BTBD7: variants seen among roughly 807,000 people sequenced by gnomAD.
BTBD7 encodes BTB domain containing 7.
BTBD7 carries 38 observed loss-of-function variants against 99.9 expected under a neutral mutation model. The observed-to-expected ratio is 0.38, with a 90% CI of 0.29 to 0.50. The LOEUF (loss-of-function observed/expected upper bound fraction) is 0.50. Among genes scored for constraint, BTBD7 ranks in the 20% least tolerant of loss-of-function variants. The probability of loss-of-function intolerance (pLI) is 0.93; values close to 1 mark genes in which losing one functional copy is unlikely to be tolerated. For missense variants in BTBD7, 1,170 were observed against 1,394.6 expected, an observed-to-expected ratio of 0.84 and a Z score of 2.57; for synonymous variants, 520 against 511.4, an observed-to-expected ratio of 1.02 and a Z score of -0.23.
chr14:93,319,913 CAAGA>C (rs1312966829), intron 1 of BTBD7, among the ~76,000 whole-genome samples: 1 of 151,746 alleles, frequency 6.6e-6, no homozygotes, highest in Non-Finnish European at 1.5e-5. Flanking sequence ...TAACAGAGAA[CAAGA>C]AAGAAAGGGG....
At position 93,246,279 on chromosome 14, in the gene BTBD7, T is replaced by C. The variant is rs747911738; in HGVS notation, c.2129A>G (p.His710Arg). 1.0e-5 allele frequency: 15 copies of C among 1,478,330 alleles called. No individual in the cohort carries two copies. The highest frequency in any genetic ancestry group is 1.3e-5 in the Non-Finnish European group (15 of 1,115,258). The allele number at this position is 1,478,330 out of a possible 1,614,324, so 91.6% of individuals were successfully genotyped here. The part of the protein sequence containing the change: ...DAAAELLQNP[H>R]KFFPDERFGD... ...AAAACGTTCATCAGGAAAGAATTTG[T>C]GAGGATTCTAAAAAAGATTAAAAAA... Residue 710 changes from histidine (H) to arginine (R), a missense_variant, in exon 10 of 11, where the codon CAC becomes CGC. Physicochemically the swap from His to Arg is conservative, Grantham distance 29. This residue lies in a region of BTBD7 where 495 missense variants were observed against 525.9 expected (regional missense o/e 0.94). Transcript: ENST00000334746.
chr14:93,313,679 TACACACAC>T (rs57711099), intron 1 of BTBD7, among the ~76,000 whole-genome samples: 22,969 of 145,414 alleles, frequency 0.16, 1,879 homozygotes, highest in East Asian at 0.28. Flanking sequence ...AAAATGAAAC[TACACACAC>T]ACACACACAC....
intron 1 of BTBD7, among the ~76,000 whole-genome samples, chr14:93,305,920 CTT>C (rs2053064405): frequency 6.6e-6 from 1 of 152,192 alleles, no homozygotes; most frequent in Non-Finnish European, 1.5e-5. Flanking sequence ...TCAGGTCTCT[CTT>C]CCTCTTATAA....
intron 3 of BTBD7, among the ~76,000 whole-genome samples, chr14:93,276,871 GACAC>G (rs140043990): frequency 6.8e-6 from 1 of 146,026 alleles, no homozygotes. Context: ...TTCAAGCCAC[GACAC>G]ACACACACAC....
chr14:93,275,144 T>C (rs1461227868), intron 3 of BTBD7, among the ~76,000 whole-genome samples: 3 of 152,186 alleles, frequency 2.0e-5, no homozygotes, highest in Admixed American at 2.0e-4. Context: ...AACCTACATA[T>C]AACCCACTAC....
chr14:93,314,383 T>A (rs1360383028), intron 1 of BTBD7, among the ~76,000 whole-genome samples: 2 of 152,186 alleles, frequency 1.3e-5, no homozygotes. Flanking sequence ...TAAAAACTAT[T>A]ATGCACTCAT....
At position 93,290,511 on chromosome 14, in the gene BTBD7, CTTTTTTTTTTTTTTT is replaced by C. The variant is rs10548430; in HGVS notation, c.1162+3332_1162+3346del. Among the ~76,000 whole-genome samples the C allele has an allele frequency of 3.9e-5, 3 of 76,546 alleles. No individual in the cohort carries two copies. In the South Asian group the frequency reaches 1.8e-3, roughly 47 times the overall value. The allele number at this position is 76,546 out of a possible 152,430, so 50.2% of individuals were successfully genotyped here. A position where few individuals can be genotyped will look rare whatever the true frequency, so the allele number is the denominator to read the frequency against. ...ACAGGCGTGACCCACTGCACTTGGC[CTTTTTTTTTTTTTTT>C]TTTTTTTTTAAGACAAAGTCTCACT... On this transcript the variant is annotated intron_variant, in intron 3 of 10. Coordinates refer to ENST00000334746, the MANE Select transcript of BTBD7 (RefSeq NM_001002860.4).
chr14:93,301,295 G>A (rs1363228002), intron 1 of BTBD7, among the ~76,000 whole-genome samples: 2 of 151,836 alleles, frequency 1.3e-5, no homozygotes, highest in African/African-American at 4.8e-5. Flanking sequence ...GGGTTCAAGC[G>A]ATTCTCCTGC....
At position 93,243,087 on chromosome 14, in the gene BTBD7, C is replaced by T. The variant is rs183380362; in HGVS notation, c.2585G>A (p.Arg862Gln). Reference protein sequence around the residue: ...AAAAASEKQVRTQPVLNDLMP... With the variant: ...AAAAASEKQVQTQPVLNDLMP... ...CAGATCATTCAGCACAGGTTGTGTT[C>T]GCTGCAGACAGAGACAAAAATGGTG... Residue 862 changes from arginine to glutamine, a missense_variant and splice_region_variant, in exon 11 of 11, where the codon CGA (arginine) becomes CAA (glutamine). By Grantham distance (43) the Arg-to-Gln change is conservative. Transcript: ENST00000334746. The T allele has an allele frequency of 2.5e-5, 40 of 1,607,124 alleles. No homozygotes were observed. The highest frequency in any genetic ancestry group is 1.3e-4 in the Admixed American group (8 of 59,832).
intron 3 of BTBD7, among the ~76,000 whole-genome samples, chr14:93,289,003 A>C (rs1443902052): frequency 6.6e-6 from 1 of 152,092 alleles, no homozygotes; most frequent in African/African-American, 2.4e-5. Context: ...TCTTTAGAAA[A>C]TTCAGAAAAT....
rs1262630022 is a variant in BTBD7 at position 93,242,509 on chromosome 14, T to C, written c.3163A>G (p.Arg1055Gly). 4 of 1,614,084 alleles carry C rather than the reference T, an allele frequency of 2.5e-6. No homozygotes were observed. Among genetic ancestry groups the C allele is most frequent in the African/African-American group, 1.3e-5 (1 of 74,944 alleles). The change falls in exon 11 of 11, where the codon AGG becomes GGG. Residue 1055 changes from arginine (R) to glycine (G), a missense_variant. By Grantham distance (125) the Arg-to-Gly change is moderately radical (BLOSUM62 -2). Around this residue, in one of 4 missense-constraint regions of BTBD7, gnomAD observed 495 missense variants for 525.9 expected, o/e 0.94. Transcript: ENST00000334746. ...ENASTGPAHV[R>G]GRTAVETDLT... Reference sequence around the variant, plus strand: ...TCAGTTTCTACTGCAGTTCGTCCCCTGACATGGGCTGGACCGGTACTAGCA... The same window carrying C: ...TCAGTTTCTACTGCAGTTCGTCCCCCGACATGGGCTGGACCGGTACTAGCA...
In BTBD7 at chr14:93,291,637, G is replaced by C. The variant is rs561355301; in HGVS notation, c.1162+2221C>G. Among the ~76,000 whole-genome samples the C allele has an allele frequency of 2.0e-5, 3 of 150,230 alleles. No homozygotes were observed. In the East Asian group the frequency reaches 5.8e-4, roughly 29 times the overall value. On this transcript the variant is annotated intron_variant, in intron 3 of 10. Transcript: ENST00000334746. ...TCAAACTCTATTTTGAGTAACAAAG[G>C]GAAAAAGAAGAGCATATATATCCAC...
chr14:93,242,948 A>AGGC lies in BTBD7; in HGVS notation c.2721_2723dup (p.Pro909dup). ...GTGGAATACACGACAGATGCTGGGG[A>AGGC]GGCCCTGGTCCTGCTTCAGAAACTG... On this transcript the variant is annotated inframe_insertion, in exon 11 of 11. Coordinates refer to ENST00000334746, the MANE Select transcript of BTBD7 (RefSeq NM_001002860.4). 6.2e-7 allele frequency: 1 copy of AGGC among 1,613,924 alleles called. No individual in the cohort carries two copies. Among genetic ancestry groups the AGGC allele is most frequent in the Non-Finnish European group, 8.5e-7 (1 of 1,179,970 alleles).
At chr14:93,274,003 T>C (rs2052628430) in intron 3 of BTBD7, among the ~76,000 whole-genome samples, 1 of 152,198 alleles carries the variant, frequency 6.6e-6, no homozygotes, top group Non-Finnish European at 1.5e-5. Flanking sequence ...TTCTGGTGCT[T>C]CTTTGCTGAG....
Position 93,295,858 on chromosome 14 carries a change from A to G in BTBD7, c.82+112T>C. ...TTGGGGGAAAAAACCTAGATGCTGC[A>G]GAATTATTATAATAACTACAGCTCA... On this transcript the variant is annotated intron_variant, in intron 2 of 10. Coordinates refer to ENST00000334746, the MANE Select transcript of BTBD7 (RefSeq NM_001002860.4). 4.1e-6 allele frequency: 4 copies of G among 969,526 alleles called. No homozygotes were observed. In the South Asian group the frequency reaches 5.2e-5, roughly 13 times the overall value. The allele number at this position is 969,526 out of a possible 1,614,324, so 60.1% of individuals were successfully genotyped here. A position where few individuals can be genotyped will look rare whatever the true frequency, so the allele number is the denominator to read the frequency against.
chr14:93,238,146 C>T lies in BTBD7; in HGVS notation c.*4127G>A, dbSNP rs2052181499. On this transcript the variant is annotated 3_prime_UTR_variant, in exon 11 of 11. Coordinates refer to ENST00000334746, the MANE Select transcript of BTBD7 (RefSeq NM_001002860.4). ...CAGAACTCACATAAACACACAAATA[C>T]AAGAGGTTATTTTCAAGACACACAC... 6.6e-6 allele frequency: 1 copy of T among 152,478 alleles called. No homozygotes were observed. Among genetic ancestry groups the T allele is most frequent in the Non-Finnish European group, 1.5e-5 (1 of 68,012 alleles). 9.4% of individuals were successfully genotyped at this position (152,478 alleles called of 1,614,324 possible).
intron 6 of BTBD7, chr14:93,256,616 A>G (rs2052433312): frequency 6.6e-6 from 1 of 152,110 alleles, no homozygotes; most frequent in South Asian, 2.1e-4. Context: ...ATGGGGTTCT[A>G]CCATGTTGGC....
chr14:93,314,806 T>A (rs1160304026), intron 1 of BTBD7, among the ~76,000 whole-genome samples: 2 of 152,240 alleles, frequency 1.3e-5, no homozygotes, highest in Non-Finnish European at 2.9e-5. Flanking sequence ...TATTCATCTT[T>A]GCAATCTGAT....
chr14:93,285,299 G>A (rs2052764441), intron 3 of BTBD7, among the ~76,000 whole-genome samples: 1 of 152,040 alleles, frequency 6.6e-6, no homozygotes, highest in South Asian at 2.1e-4. Flanking sequence ...GTTGCTAAGG[G>A]AAAAAACGAG....
Sources: allele counts gnomAD v4.1 joint callset (sites outside exome capture counted in the v4.1 genomes callset), GRCh38; gene constraint gnomAD v4.1.1; regional missense constraint gnomAD v4.1.1; transcripts MANE v1.5; gene names NCBI Gene and HGNC (gene_info 2026-07-23, HGNC 2026-07-21).